Variants in PROM1 observed in about 807,000 individuals in gnomAD.
PROM1 encodes the protein prominin 1.
A neutral mutation model predicts 116.9 loss-of-function variants in PROM1; 105 were observed. That is an observed-to-expected ratio of 0.90 (90% CI 0.77 to 1.06). PROM1 has a LOEUF of 1.06. Ranked by LOEUF, PROM1 falls within the 50% of genes least tolerant of loss-of-function variation. The pLI, the probability that PROM1 is intolerant of heterozygous loss-of-function variation, is 0.00. For missense variants in PROM1, 1,122 were observed against 1,045.2 expected (o/e 1.07, Z -1.01); for synonymous variants, 393 against 387.0 (o/e 1.02, Z -0.18).
intron 18 of PROM1, 48 bp from the exon 19 acceptor site, chr4:15,989,872 A>C: frequency 3.5e-6 from 5 of 1,445,788 alleles, no homozygotes; most frequent in Non-Finnish European, 3.8e-6. Flanking sequence ...TTCCAGACTC[A>C]AAGCACTCTC....
chr4:15,974,541 C>T (rs900962618), intron 26 of PROM1, among the ~76,000 whole-genome samples: 12 of 152,212 alleles, frequency 7.9e-5, no homozygotes, highest in Non-Finnish European at 1.6e-4. Flanking sequence ...GGGAAACGCT[C>T]CATGAAGCAA....
intron 2 of PROM1, among the ~76,000 whole-genome samples, chr4:16,065,830 A>T (rs1741401502): frequency 6.6e-6 from 1 of 152,240 alleles, no homozygotes; most frequent in Admixed American, 6.5e-5. Context: ...TCCAAGTCCT[A>T]ACCCCAAGAC....
intron 5 of PROM1, among the ~76,000 whole-genome samples, chr4:16,032,630 C>T (rs1420273245): frequency 2.6e-5 from 4 of 152,094 alleles, no homozygotes; most frequent in East Asian, 1.9e-4. Context: ...ACTGCTGTGG[C>T]GCACTCATCT....
chr4:16,056,665 C>T (rs929126089), intron 2 of PROM1, among the ~76,000 whole-genome samples: 5 of 150,782 alleles, frequency 3.3e-5, no homozygotes, highest in African/African-American at 9.7e-5. Flanking sequence ...AAAAAAAAAT[C>T]GAAAGAAGAA....
intron 2 of PROM1, among the ~76,000 whole-genome samples, chr4:16,048,248 C>T (rs527564298): frequency 1.2e-4 from 18 of 152,274 alleles, no homozygotes; most frequent in South Asian, 1.0e-3. Context: ...ACGATGGCCT[C>T]GGGTCCTGGA....
Position 15,985,794 on chromosome 4 carries a change from T to C in PROM1, c.2246A>G (p.Tyr749Cys). 1 of 1,385,458 alleles carries C rather than the reference T, an allele frequency of 7.2e-7. No homozygotes were observed. 85.8% of individuals were successfully genotyped at this position (1,385,458 alleles called of 1,614,324 possible). ...GATCCACTGCAGATAATGTTCAAAA[T>C]ATCCTATTATTGTTCTCCCATACTT... Reference protein sequence around the residue: ...TKKYGRTIIGYFEHYLQWIEF... With the variant: ...TKKYGRTIIGCFEHYLQWIEF... Residue 749 changes from tyrosine (Y) to cysteine (C), a missense_variant, in exon 22 of 28, where the codon TAT (tyrosine) becomes TGT (cysteine). Tyr to Cys is a radical substitution (Grantham distance 194). Coordinates refer to ENST00000447510, the MANE Select transcript of PROM1 (RefSeq NM_006017.3).
intron 27 of PROM1, 26 bp downstream of exon 27, chr4:15,971,015 TTC>T (rs1714404515): frequency 6.5e-7 from 1 of 1,539,674 alleles, no homozygotes; most frequent in Non-Finnish European, 8.8e-7. Context: ...GTCCTGTAGA[TTC>T]TCTTCAATGA....
chr4:16,033,108 C>T (rs1051753043), intron 5 of PROM1, among the ~76,000 whole-genome samples, 196 bp downstream of exon 5: 23 of 152,180 alleles, frequency 1.5e-4, no homozygotes, highest in African/African-American at 3.9e-4. Flanking sequence ...TTCATTACAA[C>T]GCTAATGTCT....
intron 2 of PROM1, among the ~76,000 whole-genome samples, chr4:16,042,085 G>T (rs1735435025): frequency 6.6e-6 from 1 of 152,060 alleles, no homozygotes. Flanking sequence ...AAGCACTGGG[G>T]TTACAGGCGT....
chr4:16,017,642 G>A lies in PROM1; in HGVS notation c.1002+681C>T, dbSNP rs141537285. 2.8e-3 allele frequency among the ~76,000 whole-genome samples: 426 copies of A among 152,318 alleles called. 3 individuals carry two copies. The highest frequency in any genetic ancestry group is 9.6e-3 in the African/African-American group (400 of 41,568). On this transcript the variant is annotated intron_variant, in intron 9 of 27. Transcript: ENST00000447510. ...TTGAGACCAGCCTGGCCAACATGGC[G>A]TAACCCTGTCTCTACTAAAAATACG...
At chr4:16,031,491 G>C (rs1236687935) in intron 5 of PROM1, among the ~76,000 whole-genome samples, 3 of 152,212 alleles carry the variant, frequency 2.0e-5, no homozygotes, top group South Asian at 2.1e-4. Context: ...AAAGCAGAGA[G>C]AGACAGGGAC....
At chr4:16,038,385 T>G (rs1356266897) in intron 3 of PROM1, among the ~76,000 whole-genome samples, 1 of 152,128 alleles carries the variant, frequency 6.6e-6, no homozygotes, top group African/African-American at 2.4e-5. Flanking sequence ...TTTGAAGAAA[T>G]TTTAGTTTTT....
intron 11 of PROM1, among the ~76,000 whole-genome samples, chr4:16,011,638 A>G (rs1240089525): frequency 6.6e-6 from 1 of 152,218 alleles, no homozygotes; most frequent in Non-Finnish European, 1.5e-5. Flanking sequence ...CCAAAAAATT[A>G]AACACAGAGA....
intron 5 of PROM1, among the ~76,000 whole-genome samples, chr4:16,028,639 CA>C (rs961054979): frequency 1.3e-5 from 2 of 150,658 alleles, no homozygotes; most frequent in African/African-American, 2.4e-5. Context: ...TATTTTTTAG[CA>C]AAAAAAAGGT....
chr4:16,062,584 CTA>C (rs1407079530), intron 2 of PROM1, among the ~76,000 whole-genome samples: 1 of 152,120 alleles, frequency 6.6e-6, no homozygotes, highest in Admixed American at 6.5e-5. Context: ...AAACAACAAA[CTA>C]AAAATCTAGA....
intron 10 of PROM1, among the ~76,000 whole-genome samples, chr4:16,015,744 A>G (rs2677790): frequency 0.99 from 151,142 of 152,038 alleles, 75,131 homozygotes; most frequent in Middle Eastern, 1. Context: ...CTACTTGGAG[A>G]GGGGAAAAGA....
intron 23 of PROM1, among the ~76,000 whole-genome samples, chr4:15,982,786 A>G (rs1718303826): frequency 6.6e-6 from 1 of 152,224 alleles, no homozygotes; most frequent in Non-Finnish European, 1.5e-5. Flanking sequence ...GCCACCAAGC[A>G]CAGGACAAGA....
intron 2 of PROM1, chr4:16,055,579 T>C (rs1302165805): frequency 3.0e-6 from 1 of 334,660 alleles, no homozygotes; most frequent in Non-Finnish European, 6.0e-6. Context: ...GGTTTTCGTC[T>C]GAAGAGAGGC....
At chr4:16,034,968 T>C (rs997150516) in intron 4 of PROM1, among the ~76,000 whole-genome samples, 3 of 152,350 alleles carry the variant, frequency 2.0e-5, no homozygotes, top group South Asian at 4.1e-4. Context: ...ATTCAATAAA[T>C]GGTAGTTAAC....
Sources: allele counts gnomAD v4.1 joint callset (sites outside exome capture counted in the v4.1 genomes callset), GRCh38; gene constraint gnomAD v4.1.1; transcripts MANE v1.5; gene names NCBI Gene and HGNC (gene_info 2026-07-23, HGNC 2026-07-21).